The following ARHGAP23 variants were observed in gnomAD, a reference collection of about 807,000 sequenced individuals.
ARHGAP23 encodes the protein Rho GTPase activating protein 23.
In ARHGAP23, 34 loss-of-function variants were observed where a neutral mutation model predicts 136.3. The ratio of observed to expected loss-of-function variants is 0.25; its 90% CI spans 0.19 to 0.33. ARHGAP23 has a LOEUF of 0.33. Among genes scored for constraint, ARHGAP23 ranks in the 10% least tolerant of loss-of-function variants. The probability of loss-of-function intolerance (pLI) is 1.00; values close to 1 mark genes in which losing one functional copy is unlikely to be tolerated. For synonymous variants in ARHGAP23, 832 were observed against 920.5 expected (o/e 0.90, Z 1.74); for missense variants, 1,808 against 2,139.0 (o/e 0.85, Z 3.05).
intron 9 of ARHGAP23, 33 bp downstream of exon 9, chr17:38,469,668 C>A (rs770043773): frequency 6.5e-6 from 10 of 1,542,536 alleles, no homozygotes; most frequent in Non-Finnish European, 8.8e-6. Context: ...GGTGGGGTGG[C>A]CACAGCCACC....
chr17:38,445,982 A>C (rs1363922252), intron 1 of ARHGAP23, among the ~76,000 whole-genome samples: 1 of 150,900 alleles, frequency 6.6e-6, no homozygotes, highest in Non-Finnish European at 1.5e-5. Flanking sequence ...TAATGTCTTC[A>C]AGGTTCATCC....
At chr17:38,463,521 C>T in intron 6 of ARHGAP23, 139 bp downstream of exon 6, 1 of 1,056,346 alleles carries the variant, frequency 9.5e-7, no homozygotes, top group South Asian at 1.5e-5. Flanking sequence ...CCTCCCTGGG[C>T]TGGGGCTGGT....
intron 1 of ARHGAP23, among the ~76,000 whole-genome samples, chr17:38,455,819 G>A (rs574184509): frequency 1.3e-5 from 2 of 152,172 alleles, no homozygotes; most frequent in African/African-American, 4.8e-5. Context: ...AAATCCGGGG[G>A]ATTTCAGACC....
intron 11 of ARHGAP23, among the ~76,000 whole-genome samples, chr17:38,475,157 C>T (rs866519883): frequency 2.0e-5 from 3 of 152,202 alleles, no homozygotes; most frequent in Non-Finnish European, 4.4e-5. Context: ...CCACCCAGGC[C>T]GTGGGCACCC....
intron 7 of ARHGAP23, among the ~76,000 whole-genome samples, chr17:38,467,847 T>G (rs2039650174): frequency 6.6e-6 from 1 of 152,224 alleles, no homozygotes; most frequent in African/African-American, 2.4e-5. Flanking sequence ...CCATCTTCCC[T>G]TTGTATCTTT....
intron 6 of ARHGAP23, among the ~76,000 whole-genome samples, chr17:38,465,104 G>A (rs2039556569): frequency 6.6e-6 from 1 of 151,982 alleles, no homozygotes; most frequent in Non-Finnish European, 1.5e-5. Context: ...GCTGGGGGTG[G>A]GCGGAGGCGG....
chr17:38,467,233 C>T lies in ARHGAP23; in HGVS notation c.1550C>T (p.Ser517Phe). The change falls in exon 7 of 24, where the codon TCC becomes TTC. Residue 517 changes from serine to phenylalanine, a missense_variant. Ser to Phe is a radical substitution (Grantham distance 155, BLOSUM62 -2). Around this residue, in one of 7 missense-constraint regions of ARHGAP23, gnomAD observed 859 missense variants for 936.4 expected, o/e 0.92. Transcript: ENST00000622683. ...ATGAACCTTGGATTTGGTGACGAGT[C>T]CCCAGAGCCAGAGGCCAGTGGGCGA... ...RQMNLGFGDE[S>F]PEPEASGRGE... 1 of 1,550,772 alleles carries T rather than the reference C, an allele frequency of 6.4e-7. No individual in the cohort carries two copies. Among genetic ancestry groups the T allele is most frequent in the Non-Finnish European group, 8.7e-7 (1 of 1,146,522 alleles).
chr17:38,458,287 T>C, intron 2 of ARHGAP23, 24 bp downstream of exon 2: 1 of 1,479,834 alleles, frequency 6.8e-7, no homozygotes, highest in Non-Finnish European at 8.9e-7. Context: ...GCCGCTGCCC[T>C]GGTCTGGGGA....
chr17:38,477,763 G>A lies in ARHGAP23; in HGVS notation c.2303G>A (p.Ser768Asn), dbSNP rs2144699008. 2 of 1,549,626 alleles carry A rather than the reference G, an allele frequency of 1.3e-6. No homozygotes were observed. Among genetic ancestry groups the A allele is most frequent in the East Asian group, 2.4e-5 (1 of 40,894 alleles). Residue 768 changes from serine to asparagine, a missense_variant, in exon 12 of 24, where the codon AGC (serine) becomes AAC (asparagine). By Grantham distance (46) the Ser-to-Asn change is conservative. Around this residue, in one of 7 missense-constraint regions of ARHGAP23, gnomAD observed 139 missense variants for 264.3 expected, o/e 0.53. Transcript: ENST00000622683. This position sits in a 1 kb window ranked among gnomAD's most constrained non-coding sequence, Gnocchi z 6.6. ...TCCTGCCTCGTGGACATCTCCTACA[G>A]CGAGACCAAGAGGAGGCACGTGTTC... Reference protein sequence around the residue: ...IGSCLVDISYSETKRRHVFRL... With the variant: ...IGSCLVDISYNETKRRHVFRL...
At chr17:38,493,204 GTTTTTTTGT>G (rs1322212451) in intron 20 of ARHGAP23, among the ~76,000 whole-genome samples, 24 of 67,628 alleles carry the variant, frequency 3.5e-4, no homozygotes, top group South Asian at 2.2e-3. Context: ...CTTTTTTTTT[GTTTTTTTGT>G]TTTTTTTTTG....
intron 1 of ARHGAP23, among the ~76,000 whole-genome samples, chr17:38,449,869 G>A (rs1010742072): frequency 1.3e-5 from 2 of 152,136 alleles, no homozygotes; most frequent in African/African-American, 4.8e-5. Context: ...AGGCAGAATC[G>A]ACCCTGAGCC....
chr17:38,443,756 C>T (rs1056778468), intron 1 of ARHGAP23, among the ~76,000 whole-genome samples: 3 of 152,126 alleles, frequency 2.0e-5, no homozygotes, highest in Admixed American at 6.5e-5. Flanking sequence ...CATGTGCCCC[C>T]GGGAGACTTT....
At chr17:38,471,441 C>G (rs910746951) in intron 10 of ARHGAP23, among the ~76,000 whole-genome samples, 1 of 152,250 alleles carries the variant, frequency 6.6e-6, no homozygotes, top group Non-Finnish European at 1.5e-5. Context: ...GAGACTGTCA[C>G]TTCCTCTGTT....
At chr17:38,421,501 G>T (rs1027020828) in intron 1 of ARHGAP23, among the ~76,000 whole-genome samples, 2 of 152,234 alleles carry the variant, frequency 1.3e-5, no homozygotes, top group African/African-American at 4.8e-5. Context: ...TTGCACCAGG[G>T]GAAGCTCCTA....
At position 38,466,235 on chromosome 17, in the gene ARHGAP23, G is replaced by C. The variant is rs755544986; in HGVS notation, c.552G>C (p.Glu184Asp). 1.2e-5 allele frequency: 19 copies of C among 1,546,332 alleles called. No individual in the cohort carries two copies. In the South Asian group the frequency reaches 2.0e-4, roughly 17 times the overall value. The change falls in exon 7 of 24, where the codon GAG becomes GAC. Residue 184 changes from glutamate to aspartate, a missense_variant. By Grantham distance (45) the Glu-to-Asp change is conservative. This residue lies in a region of ARHGAP23 where 859 missense variants were observed against 936.4 expected (regional missense o/e 0.92). Transcript: ENST00000622683. Reference sequence around the variant, plus strand: ...CTGGAGAGGCCCGCAGCATCCCAGAGCCACCCCCGATCTGCTACCCCCGCA... The same window carrying C: ...CTGGAGAGGCCCGCAGCATCCCAGACCCACCCCCGATCTGCTACCCCCGCA... ...PYSGEARSIP[E>D]PPPICYPRKT...
At chr17:38,465,154 G>A (rs2039558455) in intron 6 of ARHGAP23, among the ~76,000 whole-genome samples, 1 of 151,858 alleles carries the variant, frequency 6.6e-6, no homozygotes, top group Non-Finnish European at 1.5e-5. Flanking sequence ...CCGGGAGCCT[G>A]GGGAGACGGC....
intron 17 of ARHGAP23, 105 bp from the exon 18 acceptor site, chr17:38,489,997 G>A (rs1432742767): frequency 1.5e-5 from 16 of 1,094,728 alleles, no homozygotes; most frequent in Admixed American, 4.1e-5. Flanking sequence ...TGGAGCCCCC[G>A]AACTGGAGGA....
In ARHGAP23 at chr17:38,467,078, A is replaced by T. The variant is rs931253044; in HGVS notation, c.1395A>T (p.Pro465=). Residue 465 remains proline (P), a synonymous_variant, in exon 7 of 24, where the codon CCA becomes CCT. Coordinates refer to ENST00000622683, the MANE Select transcript of ARHGAP23 (RefSeq NM_001199417.2). The part of the protein sequence containing the change: ...PASFPPEASE[P]PRVVRPEPST... ...CATTCCCACCAGAGGCCTCCGAGCC[A>T]CCCAGGGTTGTACGGCCGGAACCCA... 6 of 1,550,724 alleles carry T rather than the reference A, an allele frequency of 3.9e-6. No homozygotes were observed. In the Admixed American group the frequency reaches 1.2e-4, roughly 30 times the overall value.
At chr17:38,478,916 G>A (rs1362281180) in intron 12 of ARHGAP23, among the ~76,000 whole-genome samples, 1 of 152,200 alleles carries the variant, frequency 6.6e-6, no homozygotes, top group African/African-American at 2.4e-5. Flanking sequence ...GTGGGAGGGG[G>A]TGCTAGTGCA....
Sources: gnomAD v4.1 joint callset for allele counts (sites outside exome capture counted in the v4.1 genomes callset) on GRCh38, gnomAD v4.1.1 for gene constraint, gnomAD v4.1.1 regional missense constraint, Gnocchi (gnomAD v3.1) non-coding constraint, MANE v1.5 for transcripts, NCBI Gene and HGNC (gene_info 2026-07-23, HGNC 2026-07-21) for gene names.